Variants in CFAP299 observed in about 807,000 individuals in gnomAD.
The protein encoded by CFAP299 is cilia and flagella associated protein 299.
A neutral mutation model predicts 27.0 loss-of-function variants in CFAP299; 21 were observed. That is an observed-to-expected ratio of 0.78 (90% confidence interval 0.55 to 1.12). The LOEUF (loss-of-function observed/expected upper bound fraction) is 1.12, where lower values mean the gene tolerates loss of function less well. CFAP299 is among the 50% of genes most tolerant of loss of function. The pLI is 0.00. For synonymous variants in CFAP299, 104 were observed against 98.1 expected, an observed-to-expected ratio of 1.06 and a Z score of -0.36; for missense variants, 310 against 276.6, an observed-to-expected ratio of 1.12 and a Z score of -0.86.
chr4:80,897,228 A>T (rs1047818414), intron 4 of CFAP299, among the ~76,000 whole-genome samples: 4 of 152,202 alleles, frequency 2.6e-5, no homozygotes, highest in Non-Finnish European at 4.4e-5. Flanking sequence ...AGCAGTTTTC[A>T]TCATTGTACA....
intron 3 of CFAP299, among the ~76,000 whole-genome samples, chr4:80,824,539 G>C (rs913392740): frequency 2.6e-5 from 4 of 152,012 alleles, no homozygotes; most frequent in Non-Finnish European, 1.5e-5. Flanking sequence ...CCAGTGCCTC[G>C]TACTCTCCCT....
intron 3 of CFAP299, among the ~76,000 whole-genome samples, chr4:80,822,215 T>C (rs1165005347): frequency 6.6e-6 from 1 of 152,208 alleles, no homozygotes; most frequent in Non-Finnish European, 1.5e-5. Context: ...GAAAATACTT[T>C]GTTGAAGGTC....
chr4:80,815,607 T>C (rs1425712430), intron 3 of CFAP299, among the ~76,000 whole-genome samples: 1 of 151,992 alleles, frequency 6.6e-6, no homozygotes, highest in Admixed American at 6.6e-5. Flanking sequence ...AGTAAACATA[T>C]TACCAATCAC....
chr4:80,560,251 C>T (rs1226212795), intron 2 of CFAP299, among the ~76,000 whole-genome samples: 1 of 152,022 alleles, frequency 6.6e-6, no homozygotes, highest in Non-Finnish European at 1.5e-5. Context: ...AATACCCAGT[C>T]CTGGAAGCAT....
chr4:80,347,720 A>G lies in CFAP299; in HGVS notation c.111+11841A>G, dbSNP rs140144839. ...GGCCATGCTGCCCAAAGTAATTTAT[A>G]GATACAATGCTATTCCCATTAAGCT... is the stretch of plus-strand genomic sequence containing the variant. On this transcript the variant is annotated intron_variant, in intron 1 of 5. Coordinates refer to ENST00000358105, the MANE Select transcript of CFAP299 (RefSeq NM_152770.3). Among the ~76,000 whole-genome samples, 1,419 of 152,370 alleles carry G rather than the reference A, an allele frequency of 9.3e-3. 23 individuals are homozygous for G. The highest frequency in any genetic ancestry group is 0.033 in the African/African-American group (1,353 of 41,584).
chr4:80,337,090 A>G (rs975121897), intron 1 of CFAP299, among the ~76,000 whole-genome samples: 6 of 152,242 alleles, frequency 3.9e-5, no homozygotes, highest in Non-Finnish European at 8.8e-5. Context: ...TACAGATAAT[A>G]TATTTAAAGT....
At chr4:80,327,859 A>G in the CFAP299 span, among the ~76,000 whole-genome samples, 1 of 145,456 alleles carries the variant, frequency 6.9e-6, no homozygotes, top group Non-Finnish European at 1.5e-5. Context: ...GAACATTCAA[A>G]CATGTAGAAG....
intron 2 of CFAP299, among the ~76,000 whole-genome samples, chr4:80,429,163 T>C (rs1727681369): frequency 6.6e-6 from 1 of 152,224 alleles, no homozygotes. Flanking sequence ...ACGAATATTA[T>C]AAAATCACTC....
At chr4:80,431,013 TC>T (rs1727789157) in intron 2 of CFAP299, among the ~76,000 whole-genome samples, 1 of 152,160 alleles carries the variant, frequency 6.6e-6, no homozygotes, top group Non-Finnish European at 1.5e-5. Context: ...TCGTGAGACC[TC>T]CTCTGACCAA....
intron 4 of CFAP299, among the ~76,000 whole-genome samples, chr4:80,930,837 C>T (rs1042846488): frequency 2.6e-5 from 4 of 152,122 alleles, no homozygotes; most frequent in African/African-American, 4.8e-5. Flanking sequence ...CATCCCAAAT[C>T]CCACCCCTTT....
At chr4:80,528,081 T>G (rs1733277703) in intron 2 of CFAP299, among the ~76,000 whole-genome samples, 3 of 152,102 alleles carry the variant, frequency 2.0e-5, no homozygotes, top group African/African-American at 7.2e-5. Flanking sequence ...TGATTAAGAT[T>G]ATTGATTTCT....
intron 2 of CFAP299, among the ~76,000 whole-genome samples, chr4:80,546,758 C>A (rs1734246432): frequency 6.6e-6 from 1 of 152,110 alleles, no homozygotes; most frequent in Admixed American, 6.6e-5. Flanking sequence ...TTGCCTTACA[C>A]CATGAGTAAA....
At chr4:80,679,553 A>G (rs1253514998) in intron 3 of CFAP299, among the ~76,000 whole-genome samples, 6 of 152,034 alleles carry the variant, frequency 3.9e-5, no homozygotes, top group Non-Finnish European at 7.4e-5. Flanking sequence ...TGTATTAGAT[A>G]CAGTTAGTCC....
chr4:80,428,484 GAACT>G (rs771883251), intron 2 of CFAP299, among the ~76,000 whole-genome samples: 4 of 152,080 alleles, frequency 2.6e-5, no homozygotes, highest in African/African-American at 4.8e-5. Context: ...TGAGAAAAAT[GAACT>G]AACTATGTTA....
chr4:80,848,077 G>C (rs1015818230), intron 3 of CFAP299, among the ~76,000 whole-genome samples: 1 of 151,974 alleles, frequency 6.6e-6, no homozygotes, highest in Admixed American at 6.6e-5. Context: ...TGAGTGTGGT[G>C]GTGTGCTCCC....
chr4:80,550,478 G>A (rs1357121909), intron 2 of CFAP299, among the ~76,000 whole-genome samples: 1 of 151,926 alleles, frequency 6.6e-6, no homozygotes, highest in Non-Finnish European at 1.5e-5. Flanking sequence ...GCATTTTATA[G>A]CCAAGTCTCA....
At chr4:80,695,665 C>G (rs1721041674) in intron 3 of CFAP299, among the ~76,000 whole-genome samples, 1 of 139,454 alleles carries the variant, frequency 7.2e-6, no homozygotes, top group East Asian at 2.2e-4. Flanking sequence ...TGATCTTATC[C>G]TTATCATCCT....
chr4:80,362,991 A>C, intron 2 of CFAP299, 107 bp downstream of exon 2: 1 of 1,253,404 alleles, frequency 8.0e-7, no homozygotes, highest in Non-Finnish European at 1.1e-6. Context: ...TGGAGCAGGT[A>C]AAACTTGGAA....
chr4:80,587,571 GC>G (rs1452347213), intron 3 of CFAP299, among the ~76,000 whole-genome samples: 1 of 152,142 alleles, frequency 6.6e-6, no homozygotes, highest in Non-Finnish European at 1.5e-5. Context: ...GCACATCTAA[GC>G]CTAAAACTTG....
Sources: allele counts gnomAD v4.1 joint callset (sites outside exome capture counted in the v4.1 genomes callset), GRCh38; gene constraint gnomAD v4.1.1; transcripts MANE v1.5; gene names NCBI Gene and HGNC (gene_info 2026-07-23, HGNC 2026-07-21).